Variants in ANKS3 observed in about 807,000 individuals in gnomAD.
ANKS3 encodes the protein ankyrin repeat and SAM domain-containing protein 3.
A neutral mutation model predicts 80.7 loss-of-function variants in ANKS3; 62 were observed. The ratio of observed to expected loss-of-function variants is 0.77; its 90% CI spans 0.63 to 0.95. ANKS3 has a LOEUF of 0.95. Ranked by LOEUF, ANKS3 falls within the 40% of genes least tolerant of loss-of-function variation. ANKS3 has a pLI of 0.00. For missense variants in ANKS3, 1,150 were observed against 883.6 expected, an observed-to-expected ratio of 1.30 and a Z score of -3.82; for synonymous variants, 489 against 355.3, an observed-to-expected ratio of 1.38 and a Z score of -4.23.
chr16:4,731,715 C>T (rs553832698), intron 1 of ANKS3, 136 bp from the exon 2 acceptor site: 48 of 285,904 alleles, frequency 1.7e-4, no homozygotes, highest in East Asian at 1.1e-3. Context: ...ACTGGTGGCA[C>T]GCAGCAACCG....
intron 6 of ANKS3, among the ~76,000 whole-genome samples, chr16:4,717,714 C>T (rs1172502686): frequency 6.6e-6 from 1 of 152,156 alleles, no homozygotes; most frequent in African/African-American, 2.4e-5. Flanking sequence ...CGCTGGATTA[C>T]ACTGGCTCAT....
chr16:4,699,291 G>A, intron 11 of ANKS3, 115 bp from the exon 12 acceptor site: 2 of 1,409,136 alleles, frequency 1.4e-6, no homozygotes, highest in Non-Finnish European at 1.9e-6. Flanking sequence ...ACAGTGCCTT[G>A]TGTGTGGCGC....
chr16:4,724,870 C>A, intron 5 of ANKS3, 39 bp from the exon 6 acceptor site: 2 of 1,600,900 alleles, frequency 1.2e-6, no homozygotes, highest in South Asian at 1.1e-5. Flanking sequence ...TTGGAAGAGA[C>A]AAGTTCCGCC....
At chr16:4,721,800 T>A (rs2081116300) in intron 6 of ANKS3, among the ~76,000 whole-genome samples, 1 of 150,758 alleles carries the variant, frequency 6.6e-6, no homozygotes, top group African/African-American at 2.4e-5. Flanking sequence ...ACCTGTATTT[T>A]GTATTTTTGT....
chr16:4,726,970 G>T lies in ANKS3; in HGVS notation c.369+9C>A, dbSNP rs142047315. 6.2e-7 allele frequency: 1 copy of T among 1,613,872 alleles called. No individual in the cohort carries two copies. Among genetic ancestry groups the T allele is most frequent in the African/African-American group, 1.3e-5 (1 of 75,044 alleles). On this transcript the variant is annotated intron_variant, in intron 4 of 17. Transcript: ENST00000304283. ...CAGGTTTCTGGGCCTGAGTTCCCTCGTAGCTCACCTGGAGAAGAAAGTAGG... is the reference window on the plus strand; with the variant it reads ...CAGGTTTCTGGGCCTGAGTTCCCTCTTAGCTCACCTGGAGAAGAAAGTAGG...
intron 1 of ANKS3, among the ~76,000 whole-genome samples, chr16:4,731,807 G>A (rs971922273): frequency 2.6e-5 from 4 of 152,138 alleles, no homozygotes; most frequent in African/African-American, 9.7e-5. Context: ...AACTGGTGAG[G>A]TAACACTTTC....
In ANKS3 at chr16:4,699,394, T is replaced by C. The variant is rs181124544; in HGVS notation, c.1285-218A>G. 1.0e-5 allele frequency: 6 copies of C among 597,506 alleles called. No homozygotes were observed. The South Asian group carries it at 1.2e-4, about 12-fold the overall frequency. 37.0% of individuals were successfully genotyped at this position (597,506 alleles called of 1,614,324 possible). The stretch of plus-strand genomic sequence containing the variant: ...ACTATGGTCGGCCACGTGGGGACAA[T>C]GTATGTTCATCACCAGAAACTGGCC... On this transcript the variant is annotated intron_variant, in intron 11 of 17. Transcript: ENST00000304283.
chr16:4,726,945 C>T (rs368428904), intron 4 of ANKS3, 34 bp downstream of exon 4: 7 of 1,612,944 alleles, frequency 4.3e-6, no homozygotes, highest in Non-Finnish European at 5.9e-6. Flanking sequence ...CGGAGCCCCT[C>T]AGGTTTCTGG....
chr16:4,702,279 C>T, intron 8 of ANKS3, 37 bp from the exon 9 acceptor site: 3 of 1,443,676 alleles, frequency 2.1e-6, no homozygotes, highest in Non-Finnish European at 2.7e-6. Context: ...CCAGGGAACT[C>T]CAAAGTGAAA....
intron 3 of ANKS3, chr16:4,727,468 A>G (rs1228260382): frequency 8.1e-6 from 4 of 493,032 alleles, no homozygotes; most frequent in Non-Finnish European, 1.5e-5. Context: ...GCACTCAACC[A>G]GGGAATATGT....
intron 13 of ANKS3, 37 bp from the exon 14 acceptor site, chr16:4,698,636 T>C (rs888737119): frequency 1.2e-5 from 19 of 1,535,208 alleles, no homozygotes; most frequent in Non-Finnish European, 1.7e-5. Flanking sequence ...GGCTGGGAGG[T>C]GGCCGGTCAA....
chr16:4,713,952 T>G, intron 7 of ANKS3, 99 bp downstream of exon 7: 1 of 1,494,234 alleles, frequency 6.7e-7, no homozygotes, highest in Non-Finnish European at 9.0e-7. Context: ...TCAGAGAAGG[T>G]GGGAGCCGGG....
chr16:4,697,006 CAG>C lies in ANKS3; in HGVS notation c.*11+9_*11+10del. 6.2e-7 allele frequency: 1 copy of C among 1,611,214 alleles called. No homozygotes were observed. The highest frequency in any genetic ancestry group is 8.5e-7 in the Non-Finnish European group (1 of 1,179,014). ...TCCCACCACGCGGGATCCAGGCTGGCAGACACTCACCGGCCCGCAGGCTAGGT... is the reference window on the plus strand; with the variant it reads ...TCCCACCACGCGGGATCCAGGCTGGCACACTCACCGGCCCGCAGGCTAGGT... On this transcript the variant is annotated intron_variant, in intron 17 of 17. Transcript: ENST00000304283.
At chr16:4,723,790 C>T (rs1268419254) in intron 6 of ANKS3, among the ~76,000 whole-genome samples, 2 of 152,130 alleles carry the variant, frequency 1.3e-5, no homozygotes, top group Non-Finnish European at 2.9e-5. Context: ...TGTGGACAGG[C>T]TTGCACCTGT....
chr16:4,706,533 A>G (rs906949534), intron 7 of ANKS3, among the ~76,000 whole-genome samples: 2 of 152,212 alleles, frequency 1.3e-5, no homozygotes, highest in East Asian at 1.9e-4. Flanking sequence ...CACAGCGCCC[A>G]GCCACAATTT....
intron 15 of ANKS3, 79 bp downstream of exon 15, chr16:4,697,898 A>G: frequency 7.6e-7 from 1 of 1,310,766 alleles, no homozygotes; most frequent in Non-Finnish European, 1.0e-6. Context: ...AACCAGGCCA[A>G]GCCCACTGGG....
rs1291692063 is a variant in ANKS3, at chr16:4,721,629, T to TATTG, written c.573+3120_573+3121insCAAT. On this transcript the variant is annotated intron_variant, in intron 6 of 17. Coordinates refer to ENST00000304283, the MANE Select transcript of ANKS3 (RefSeq NM_133450.4). The stretch of plus-strand genomic sequence containing the variant: ...CCATCTCTTTATTGATTTATTGATT[T>TATTG]ATTTATTTATTTATTTATTTATTTA... Among the ~76,000 whole-genome samples the TATTG allele has an allele frequency of 7.1e-3, 362 of 50,804 alleles. 5 individuals are homozygous for TATTG. The highest frequency in any genetic ancestry group is 0.049 in the East Asian group (32 of 658). 33.3% of individuals were successfully genotyped at this position (50,804 alleles called of 152,430 possible). A position where few individuals can be genotyped will look rare whatever the true frequency, so the allele number is the denominator to read the frequency against.
intron 8 of ANKS3, among the ~76,000 whole-genome samples, chr16:4,704,465 A>G (rs1381744029): frequency 6.6e-6 from 1 of 152,176 alleles, no homozygotes; most frequent in Admixed American, 6.5e-5. Context: ...AGACCACAGC[A>G]ATAGAGAGTA....
At chr16:4,718,184 T>C (rs572086724) in intron 6 of ANKS3, among the ~76,000 whole-genome samples, 1 of 151,918 alleles carries the variant, frequency 6.6e-6, no homozygotes, top group East Asian at 1.9e-4. Context: ...CCTCTAAAAG[T>C]GCTGGGATTA....
Sources: gnomAD v4.1 joint callset for allele counts (sites outside exome capture counted in the v4.1 genomes callset) on GRCh38, gnomAD v4.1.1 for gene constraint, MANE v1.5 for transcripts, NCBI Gene and HGNC (gene_info 2026-07-23, HGNC 2026-07-21) for gene names.